Variants in ATP8A2 observed in about 807,000 individuals in gnomAD.
ATP8A2 encodes the protein phospholipid-transporting ATPase IB.
A neutral mutation model predicts 165.6 loss-of-function variants in ATP8A2; 100 were observed. The observed-to-expected ratio is 0.60, with a 90% confidence interval of 0.51 to 0.71. The LOEUF is 0.71. ATP8A2 is among the 30% of genes least tolerant of loss of function. ATP8A2 has a pLI of 0.00. For synonymous variants in ATP8A2, 543 were observed against 548.8 expected (o/e 0.99, Z 0.15); for missense variants, 1,227 against 1,479.5 (o/e 0.83, Z 2.80).
chr13:25,459,790 G>T (rs901116340), intron 1 of ATP8A2, among the ~76,000 whole-genome samples: 3 of 152,182 alleles, frequency 2.0e-5, no homozygotes, highest in Non-Finnish European at 2.9e-5. Flanking sequence ...GGTCATCATG[G>T]GTGGGGTTCA....
intron 1 of ATP8A2, among the ~76,000 whole-genome samples, chr13:25,439,304 C>T (rs762253460): frequency 2.6e-5 from 4 of 152,068 alleles, no homozygotes; most frequent in African/African-American, 4.8e-5. Flanking sequence ...GAAATCTTCC[C>T]GGGAGGCAGG....
chr13:25,722,775 A>T (rs1427329974), intron 25 of ATP8A2, among the ~76,000 whole-genome samples: 1 of 152,216 alleles, frequency 6.6e-6, no homozygotes, highest in Non-Finnish European at 1.5e-5. Flanking sequence ...TCTTTTCAAG[A>T]TCCCTGTGTA....
intron 24 of ATP8A2, among the ~76,000 whole-genome samples, chr13:25,641,898 C>G (rs2041533904): frequency 6.6e-6 from 1 of 152,020 alleles, no homozygotes; most frequent in East Asian, 1.9e-4. Flanking sequence ...GGTACCAAAA[C>G]AGAGATATCG....
intron 24 of ATP8A2, among the ~76,000 whole-genome samples, chr13:25,671,609 C>G (rs190194097): frequency 0.011 from 1,613 of 152,276 alleles, 32 homozygotes; most frequent in African/African-American, 0.036. Context: ...GAGATAGACT[C>G]CAGTCTCCCA....
chr13:25,872,297 G>A (rs952811835), intron 33 of ATP8A2, among the ~76,000 whole-genome samples: 30 of 152,196 alleles, frequency 2.0e-4, no homozygotes, highest in African/African-American at 6.0e-4. Flanking sequence ...ATAGGAGGAC[G>A]GTGTCAGCCT....
intron 1 of ATP8A2, among the ~76,000 whole-genome samples, chr13:25,421,343 AT>A (rs888474310): frequency 3.4e-4 from 51 of 152,012 alleles, no homozygotes; most frequent in Admixed American, 7.9e-4. Flanking sequence ...CCTCTTTTAA[AT>A]TTTTTTTACA....
At chr13:25,958,211 T>A (rs1230377725) in intron 33 of ATP8A2, among the ~76,000 whole-genome samples, 1 of 151,782 alleles carries the variant, frequency 6.6e-6, no homozygotes, top group East Asian at 1.9e-4. Flanking sequence ...GATGGGTTGA[T>A]GGGTGCAGCA....
intron 1 of ATP8A2, among the ~76,000 whole-genome samples, chr13:25,444,856 G>T (rs1480458658): frequency 6.6e-6 from 1 of 152,078 alleles, no homozygotes; most frequent in African/African-American, 2.4e-5. Context: ...ATATTGGTCA[G>T]GCTGGTCTCA....
intron 28 of ATP8A2, among the ~76,000 whole-genome samples, chr13:25,829,712 A>ATATATCTATATC (rs1951415082): frequency 9.5e-6 from 1 of 105,806 alleles, no homozygotes; most frequent in African/African-American, 3.9e-5. Context: ...ATATATATAT[A>ATATATCTATATC]TATATATATC....
intron 1 of ATP8A2, among the ~76,000 whole-genome samples, chr13:25,428,349 A>G (rs932483342): frequency 1.3e-5 from 2 of 152,150 alleles, no homozygotes; most frequent in Admixed American, 6.5e-5. Context: ...ACCGACCACT[A>G]CTTCTTGGTG....
chr13:25,719,037 A>C (rs974602105), intron 25 of ATP8A2, among the ~76,000 whole-genome samples: 1 of 152,150 alleles, frequency 6.6e-6, no homozygotes, highest in Admixed American at 6.5e-5. Context: ...AATTAGACCT[A>C]CTGTGAAAAA....
intron 1 of ATP8A2, among the ~76,000 whole-genome samples, chr13:25,387,269 G>C (rs2033089290): frequency 6.6e-6 from 1 of 152,174 alleles, no homozygotes; most frequent in East Asian, 1.9e-4. Context: ...GGTCTGTGCT[G>C]CAGGGTCTAA....
chr13:25,690,530 C>T (rs1043469332), intron 24 of ATP8A2, among the ~76,000 whole-genome samples: 1 of 152,132 alleles, frequency 6.6e-6, no homozygotes, highest in Non-Finnish European at 1.5e-5. Context: ...GTCTTGAAAT[C>T]TCAGCAAACA....
intron 33 of ATP8A2, chr13:25,944,353 A>G (rs1318716326): frequency 1.3e-5 from 2 of 152,264 alleles, no homozygotes; most frequent in Non-Finnish European, 2.9e-5. Context: ...CTAAAAATAC[A>G]AAACATAGCC....
intron 25 of ATP8A2, among the ~76,000 whole-genome samples, chr13:25,762,268 C>CAA (rs59081934): frequency 0.093 from 3,796 of 41,028 alleles, 1,109 homozygotes; most frequent in African/African-American, 0.16. Context: ...GACTCTGTCT[C>CAA]AAAAAAAAAA....
chr13:25,919,153 T>C (rs1593557937), intron 33 of ATP8A2, among the ~76,000 whole-genome samples: 1 of 152,224 alleles, frequency 6.6e-6, no homozygotes, highest in Non-Finnish European at 1.5e-5. Context: ...TCCTTTAATA[T>C]GTTCTTTTCC....
intron 35 of ATP8A2, among the ~76,000 whole-genome samples, chr13:25,986,723 C>T (rs1054136867): frequency 6.6e-5 from 10 of 152,154 alleles, no homozygotes; most frequent in African/African-American, 9.7e-5. Flanking sequence ...TGTATATACC[C>T]GGGACTAGGA....
intron 25 of ATP8A2, among the ~76,000 whole-genome samples, chr13:25,702,363 T>C (rs1039402856): frequency 6.6e-6 from 1 of 152,234 alleles, no homozygotes; most frequent in African/African-American, 2.4e-5. Context: ...AATATTTTGC[T>C]GAAATTAGAA....
chr13:25,574,782 T>C, intron 18 of ATP8A2, 26 bp from the exon 19 acceptor site: 1 of 1,446,430 alleles, frequency 6.9e-7, no homozygotes, highest in African/African-American at 1.4e-5. Flanking sequence ...TGCACCTCGG[T>C]TAAGAGCCTA....
Sources: allele counts gnomAD v4.1 joint callset (sites outside exome capture counted in the v4.1 genomes callset), GRCh38; gene constraint gnomAD v4.1.1; transcripts MANE v1.5; gene names NCBI Gene and HGNC (gene_info 2026-07-23, HGNC 2026-07-21).